Variants in DGKK observed in about 807,000 individuals in gnomAD.
The protein encoded by DGKK is diacylglycerol kinase kappa.
In DGKK, 35 loss-of-function variants were observed where a neutral mutation model predicts 92.2. The observed-to-expected ratio is 0.38, with a 90% CI of 0.29 to 0.50. The LOEUF (loss-of-function observed/expected upper bound fraction) is 0.50, where lower values mean the gene tolerates loss of function less well. DGKK is among the 20% of genes least tolerant of loss of function. The pLI is 0.92. For missense variants in DGKK, 910 were observed against 992.2 expected (o/e 0.92, Z 1.11); for synonymous variants, 368 against 360.6 (o/e 1.02, Z -0.23).
At chrX:50,400,205 A>G (rs1924965610) in intron 8 of DGKK, among the ~76,000 whole-genome samples, 1 of 111,582 alleles carries the variant, frequency 9.0e-6, no homozygotes, top group Non-Finnish European at 1.9e-5. Flanking sequence ...TCCTTACGTC[A>G]TGATACCTCC....
intron 1 of DGKK, among the ~76,000 whole-genome samples, chrX:50,464,183 G>A (rs1557233723): frequency 9.4e-6 from 1 of 106,711 alleles, no homozygotes; most frequent in Non-Finnish European, 1.9e-5. Context: ...AAATTAATGG[G>A]TCTTTGTGAC....
chrX:50,379,777 G>C, intron 19 of DGKK, 43 bp from the exon 20 acceptor site: 1 of 1,078,128 alleles, frequency 9.3e-7, no homozygotes, highest in Non-Finnish European at 1.3e-6. Context: ...TCTTTAGATA[G>C]CAACATGAAG....
At chrX:50,427,920 A>G (rs1345587333) in intron 1 of DGKK, among the ~76,000 whole-genome samples, 2 of 111,323 alleles carry the variant, frequency 1.8e-5, no homozygotes, top group South Asian at 3.8e-4. Flanking sequence ...ACATAAACAT[A>G]TACCCATGTG....
At chrX:50,444,134 T>A (rs1557231538) in intron 1 of DGKK, among the ~76,000 whole-genome samples, 1 of 111,208 alleles carries the variant, frequency 9.0e-6, no homozygotes, top group Non-Finnish European at 1.9e-5. Flanking sequence ...GTGTGTACAT[T>A]TCTGCATGAA....
intron 1 of DGKK, among the ~76,000 whole-genome samples, chrX:50,459,057 C>G (rs1428889313): frequency 9.0e-6 from 1 of 111,670 alleles, no homozygotes; most frequent in Non-Finnish European, 1.9e-5. Context: ...TGCACCTAAT[C>G]CATCTCTGAA....
chrX:50,379,251 G>T (rs1384131896), intron 20 of DGKK, among the ~76,000 whole-genome samples: 1 of 107,224 alleles, frequency 9.3e-6, no homozygotes, highest in Admixed American at 9.9e-5. Flanking sequence ...AACCTGGGAG[G>T]CGGAGGTTGC....
intron 4 of DGKK, among the ~76,000 whole-genome samples, chrX:50,417,202 T>A (rs1282909422): frequency 9.2e-6 from 1 of 108,729 alleles, no homozygotes; most frequent in Non-Finnish European, 1.9e-5. Flanking sequence ...TGATAGGGAG[T>A]TGTCCACCTC....
chrX:50,378,300 C>G, intron 21 of DGKK, 68 bp from the exon 22 acceptor site: 1 of 1,134,666 alleles, frequency 8.8e-7, no homozygotes, highest in Non-Finnish European at 1.2e-6. Context: ...ATCTGATAAT[C>G]TCATAGTTAT....
intron 1 of DGKK, among the ~76,000 whole-genome samples, chrX:50,452,171 A>G (rs1426424176): frequency 1.8e-5 from 2 of 111,629 alleles, no homozygotes; most frequent in Non-Finnish European, 3.8e-5. Flanking sequence ...GCCCAAGGTC[A>G]CAGAGCTAGG....
intron 26 of DGKK, 103 bp downstream of exon 26, chrX:50,371,610 GCCAGCACTGGA>G (rs1924128342): frequency 7.8e-6 from 4 of 513,171 alleles, no homozygotes; most frequent in Non-Finnish European, 1.3e-5. Flanking sequence ...TCAGTTTAAA[GCCAGCACTGGA>G]CCCCCTGTAC....
intron 4 of DGKK, among the ~76,000 whole-genome samples, chrX:50,408,502 C>A (rs1324928634): frequency 9.0e-6 from 1 of 111,403 alleles, no homozygotes; most frequent in African/African-American, 3.3e-5. Flanking sequence ...CCTCAGCCTC[C>A]CTAGTAGCTG....
intron 1 of DGKK, among the ~76,000 whole-genome samples, chrX:50,460,239 G>T (rs782210335): frequency 1.6e-4 from 18 of 111,710 alleles, no homozygotes; most frequent in African/African-American, 4.9e-4. Context: ...TTGCTCAGCA[G>T]GTACCTTTCA....
At chrX:50,395,159 C>A (rs1465832168) in intron 8 of DGKK, among the ~76,000 whole-genome samples, 1 of 111,232 alleles carries the variant, frequency 9.0e-6, no homozygotes, top group Non-Finnish European at 1.9e-5. Context: ...CGAGTCAGGT[C>A]TTAAGATATT....
chrX:50,384,090 A>C, intron 17 of DGKK, 78 bp downstream of exon 17: 1 of 619,368 alleles, frequency 1.6e-6, no homozygotes, highest in Non-Finnish European at 2.4e-6. Flanking sequence ...AAAGGATTTG[A>C]CTATGGATAT....
chrX:50,404,643 G>A (rs974245226), intron 4 of DGKK, among the ~76,000 whole-genome samples: 3 of 109,974 alleles, frequency 2.7e-5, no homozygotes, highest in Non-Finnish European at 5.7e-5. Flanking sequence ...ACGGGGTCAA[G>A]TGATCTGCCT....
At chrX:50,466,149 G>T (rs935983172) in intron 1 of DGKK, among the ~76,000 whole-genome samples, 1 of 104,906 alleles carries the variant, frequency 9.5e-6, no homozygotes, top group Non-Finnish European at 1.9e-5. Context: ...AAAGACCACT[G>T]ACCAATACTT....
At chrX:50,371,242 G>A (rs73497543) in intron 26 of DGKK, among the ~76,000 whole-genome samples, 13,743 of 111,369 alleles carry the variant, frequency 0.12, 1,918 homozygotes, top group African/African-American at 0.42. Context: ...TGGGAGGGAC[G>A]GAAAGCAGCA....
rs1185359793 is a variant in DGKK, at chrX:50,368,799, T to G, written c.*141A>C. Reference sequence around the variant, plus strand: ...GGAGACCAGATTAAGTCCAGGAAAATGCATTAGTGAAAAGAATTGGAGGGT... The same window carrying G: ...GGAGACCAGATTAAGTCCAGGAAAAGGCATTAGTGAAAAGAATTGGAGGGT... On this transcript the variant is annotated 3_prime_UTR_variant, in exon 28 of 28. Coordinates refer to ENST00000611977, the MANE Select transcript of DGKK (RefSeq NM_001013742.4). 2.5e-5 allele frequency: 12 copies of G among 478,789 alleles called. No homozygotes were observed. Among genetic ancestry groups the G allele is most frequent in the Non-Finnish European group, 3.4e-5 (10 of 291,185 alleles). 39.5% of individuals were successfully genotyped at this position (478,789 alleles called of 1,213,427 possible). A position where few individuals can be genotyped will look rare whatever the true frequency, so the allele number is the denominator to read the frequency against.
At chrX:50,463,535 C>G (rs781824331) in intron 1 of DGKK, among the ~76,000 whole-genome samples, 35 of 99,182 alleles carry the variant, frequency 3.5e-4, no homozygotes, top group Non-Finnish European at 6.6e-4. Context: ...CTCTTCCTCT[C>G]TCTGTTTCTC....
Sources: allele counts gnomAD v4.1 joint callset (sites outside exome capture counted in the v4.1 genomes callset), GRCh38; gene constraint gnomAD v4.1.1; transcripts MANE v1.5; gene names NCBI Gene and HGNC (gene_info 2026-07-23, HGNC 2026-07-21).